Variants in NEXMIF observed in about 807,000 individuals in gnomAD.
The protein encoded by NEXMIF is XLMR protein related to neurite extension.
In NEXMIF, 8 loss-of-function variants were observed where a neutral mutation model predicts 62.1. The observed-to-expected ratio is 0.13, with a 90% CI of 0.08 to 0.23. The LOEUF is 0.23. Among genes scored for constraint, NEXMIF ranks in the 10% least tolerant of loss-of-function variants. The pLI is 1.00. For missense variants in NEXMIF, 976 were observed against 1,113.3 expected (o/e 0.88, Z 1.75); for synonymous variants, 404 against 416.6 (o/e 0.97, Z 0.37).
chrX:74,852,991 CAT>C (rs923496680), intron 1 of NEXMIF, among the ~76,000 whole-genome samples: 1 of 110,372 alleles, frequency 9.1e-6, no homozygotes, highest in African/African-American at 3.3e-5. Flanking sequence ...ATTTACAAAG[CAT>C]CAACAAAATG....
At chrX:74,755,568 A>AAAAT (rs1165322541) in intron 1 of NEXMIF, among the ~76,000 whole-genome samples, 3 of 111,903 alleles carry the variant, frequency 2.7e-5, no homozygotes, top group Non-Finnish European at 3.8e-5. Flanking sequence ...CCCTACAGGA[A>AAAAT]AAATAAATAA....
At chrX:74,806,218 A>T (rs1278100177) in intron 1 of NEXMIF, among the ~76,000 whole-genome samples, 1 of 110,634 alleles carries the variant, frequency 9.0e-6, no homozygotes, top group Non-Finnish European at 1.9e-5. Context: ...TTGATGTTTT[A>T]TCTAAAAAGT....
intron 1 of NEXMIF, among the ~76,000 whole-genome samples, chrX:74,759,206 A>G (rs2080168531): frequency 8.9e-6 from 1 of 112,023 alleles, no homozygotes; most frequent in Admixed American, 9.5e-5. Context: ...GTGTCTGTTC[A>G]TGTCCTTTGC....
intron 1 of NEXMIF, among the ~76,000 whole-genome samples, chrX:74,807,156 G>A (rs1278337704): frequency 1.8e-5 from 2 of 112,116 alleles, no homozygotes; most frequent in African/African-American, 3.2e-5. Flanking sequence ...TGACAACATC[G>A]AGTCTTTTTA....
At chrX:74,902,040 C>A (rs1467029134) in intron 1 of NEXMIF, among the ~76,000 whole-genome samples, 1 of 110,329 alleles carries the variant, frequency 9.1e-6, no homozygotes, top group Non-Finnish European at 1.9e-5. Context: ...AGTTTTAATC[C>A]CAGCTCAAAG....
intron 1 of NEXMIF, among the ~76,000 whole-genome samples, chrX:74,820,688 T>C (rs2080392100): frequency 8.9e-6 from 1 of 112,047 alleles, no homozygotes; most frequent in Non-Finnish European, 1.9e-5. Flanking sequence ...AATGAAATCA[T>C]GTCCTTTGCA....
At position 74,872,455 on chromosome X, in the gene NEXMIF, TG is replaced by T. The variant is rs1464963370; in HGVS notation, c.-48+52427del. Among the ~76,000 whole-genome samples, 7 of 25,710 alleles carry T rather than the reference TG, an allele frequency of 2.7e-4. No individual in the cohort carries two copies. The South Asian group carries it at 0.015, about 54-fold the overall frequency. The allele number at this position is 25,710 out of a possible 115,157, so 22.3% of individuals were successfully genotyped here. On this transcript the variant is annotated intron_variant, in intron 1 of 3. Coordinates refer to ENST00000055682, the MANE Select transcript of NEXMIF (RefSeq NM_001008537.3). ...AGGGTAGTGTGTGGGTGGGGGGTGG[TG>T]GGGGGAAATGACAGTTAGTGGTTAC...
intron 1 of NEXMIF, among the ~76,000 whole-genome samples, chrX:74,886,995 G>A (rs1386827522): frequency 9.0e-5 from 10 of 111,381 alleles, no homozygotes; most frequent in Non-Finnish European, 1.3e-4. Flanking sequence ...AAATAATGCC[G>A]CGTATGTACA....
intron 1 of NEXMIF, among the ~76,000 whole-genome samples, chrX:74,765,012 T>G (rs1476159665): frequency 1.8e-5 from 2 of 111,771 alleles, no homozygotes; most frequent in Non-Finnish European, 3.8e-5. Flanking sequence ...TGTCTAATAC[T>G]GTCAGTGGAG....
chrX:74,744,082 G>A lies in NEXMIF; in HGVS notation c.475C>T (p.Pro159Ser), dbSNP rs149980277. ...CFMESKDAVD[P>S]EPGISLKVGD... ...ACTTTCAGACTGATCCCTGGCTCAG[G>A]ATCTACTGCATCCTTGGATTCCATG... Residue 159 changes from proline (P) to serine (S), a missense_variant, in exon 3 of 4, where the codon CCT becomes TCT. This residue lies in a region of NEXMIF where 126 missense variants were observed against 146.5 expected (regional missense o/e 0.86). Coordinates refer to ENST00000055682, the MANE Select transcript of NEXMIF (RefSeq NM_001008537.3). The A allele has an allele frequency of 1.0e-4, 125 of 1,209,719 alleles. No homozygotes were observed. Among genetic ancestry groups the A allele is most frequent in the Non-Finnish European group, 1.3e-4 (120 of 895,157 alleles).
chrX:74,788,665 C>T (rs934659457), intron 1 of NEXMIF, among the ~76,000 whole-genome samples: 3 of 111,645 alleles, frequency 2.7e-5, no homozygotes, highest in Non-Finnish European at 5.6e-5. Flanking sequence ...TTTACCATTA[C>T]ACAAATTTAG....
chrX:74,892,628 C>T (rs993172225), intron 1 of NEXMIF, among the ~76,000 whole-genome samples: 3 of 112,346 alleles, frequency 2.7e-5, no homozygotes, highest in East Asian at 5.6e-4. Context: ...CTCAGATCCA[C>T]AGAACAATGA....
intron 1 of NEXMIF, among the ~76,000 whole-genome samples, chrX:74,791,683 A>C (rs2080283691): frequency 1.8e-5 from 2 of 110,082 alleles, no homozygotes; most frequent in South Asian, 8.0e-4. Flanking sequence ...CAGAGATTCA[A>C]CTTCTTCCTG....
chrX:74,747,763 G>A (rs188419390), intron 1 of NEXMIF, among the ~76,000 whole-genome samples: 27 of 109,667 alleles, frequency 2.5e-4, no homozygotes, highest in East Asian at 5.8e-4. Context: ...TAACAGGCAC[G>A]CACCACCATG....
intron 1 of NEXMIF, among the ~76,000 whole-genome samples, chrX:74,767,093 A>G (rs1465125306): frequency 8.9e-6 from 1 of 112,404 alleles, no homozygotes; most frequent in African/African-American, 3.2e-5. Context: ...CAAGACAGCA[A>G]AGAGGGCAAC....
chrX:74,790,759 C>A (rs866269297), intron 1 of NEXMIF, among the ~76,000 whole-genome samples: 32 of 113,195 alleles, frequency 2.8e-4, no homozygotes, highest in African/African-American at 9.2e-4. Context: ...GAGTTCACTC[C>A]TGATTTGGCT....
At chrX:74,899,414 T>C (rs1430133303) in intron 1 of NEXMIF, among the ~76,000 whole-genome samples, 1 of 111,784 alleles carries the variant, frequency 8.9e-6, no homozygotes, top group Non-Finnish European at 1.9e-5. Flanking sequence ...CAAAAACCAG[T>C]TGTATTCCTA....
intron 1 of NEXMIF, among the ~76,000 whole-genome samples, chrX:74,757,154 A>G (rs1388756838): frequency 8.9e-6 from 1 of 112,325 alleles, no homozygotes; most frequent in African/African-American, 3.2e-5. Flanking sequence ...TTAAATGTAA[A>G]TTAATTAAAA....
intron 1 of NEXMIF, among the ~76,000 whole-genome samples, chrX:74,849,505 ACT>A (rs2080505687): frequency 8.9e-6 from 1 of 112,186 alleles, no homozygotes; most frequent in South Asian, 3.7e-4. Flanking sequence ...GGGAGATCAC[ACT>A]GAGACCCACA....
Sources: allele counts gnomAD v4.1 joint callset (sites outside exome capture counted in the v4.1 genomes callset), GRCh38; gene constraint gnomAD v4.1.1; regional missense constraint gnomAD v4.1.1; transcripts MANE v1.5; gene names NCBI Gene and HGNC (gene_info 2026-07-23, HGNC 2026-07-21).